HEXB: variants seen among roughly 807,000 people sequenced by gnomAD.
HEXB encodes the protein hexosaminidase subunit beta.
A neutral mutation model predicts 71.2 loss-of-function variants in HEXB; 51 were observed. The observed-to-expected ratio is 0.72, with a 90% CI of 0.57 to 0.90. The LOEUF is 0.90. Among genes scored for constraint, HEXB ranks in the 40% least tolerant of loss-of-function variants. The probability of loss-of-function intolerance (pLI) is 0.00; values close to 1 mark genes in which losing one functional copy is unlikely to be tolerated. For synonymous variants in HEXB, 266 were observed against 249.3 expected, an observed-to-expected ratio of 1.07 and a Z score of -0.63; for missense variants, 617 against 677.0, an observed-to-expected ratio of 0.91 and a Z score of 0.98.
At chr5:74,714,748 C>T (rs1338379522) in intron 7 of HEXB, among the ~76,000 whole-genome samples, 1 of 152,130 alleles carries the variant, frequency 6.6e-6, no homozygotes, top group Non-Finnish European at 1.5e-5. Context: ...GCACATAGCA[C>T]AGTACCAAGC....
chr5:74,691,548 T>A (rs545328930), intron 2 of HEXB, among the ~76,000 whole-genome samples: 4 of 152,114 alleles, frequency 2.6e-5, no homozygotes, highest in African/African-American at 7.2e-5. Flanking sequence ...AACTGCTGAG[T>A]TGAACAAAGG....
At chr5:74,715,755 G>A (rs1246579180) in intron 8 of HEXB, 65 bp downstream of exon 8, 18 of 1,163,718 alleles carry the variant, frequency 1.5e-5, no homozygotes, top group South Asian at 2.5e-5. Flanking sequence ...GGTGGCTCAC[G>A]CCTATAATCC....
chr5:74,651,625 C>A (rs746549162), intron 1 of HEXB, among the ~76,000 whole-genome samples: 1 of 152,236 alleles, frequency 6.6e-6, no homozygotes, highest in South Asian at 2.1e-4. Flanking sequence ...AAGGAGGATT[C>A]CCCCAAATCT....
At chr5:74,719,772 T>A (rs1749774168) in intron 11 of HEXB, among the ~76,000 whole-genome samples, 1 of 151,730 alleles carries the variant, frequency 6.6e-6, no homozygotes, top group South Asian at 2.1e-4. Context: ...TGAAATTCTG[T>A]CTCTACTAAA....
chr5:74,654,868 C>T (rs904713), intron 1 of HEXB, among the ~76,000 whole-genome samples: 37,467 of 151,958 alleles, frequency 0.25, 4,957 homozygotes, highest in Admixed American at 0.36. Context: ...AGAGAGAGGC[C>T]GGGAAGCAGG....
intron 2 of HEXB, among the ~76,000 whole-genome samples, chr5:74,692,928 T>A (rs1749035400): frequency 6.6e-6 from 1 of 152,216 alleles, no homozygotes; most frequent in Non-Finnish European, 1.5e-5. Flanking sequence ...CTTCAAAGAT[T>A]GAAAGATTAG....
At chr5:74,707,966 G>C (rs900587688) in intron 6 of HEXB, among the ~76,000 whole-genome samples, 11 of 152,154 alleles carry the variant, frequency 7.2e-5, no homozygotes, top group African/African-American at 2.4e-4. Context: ...CTCGAGAAGA[G>C]CAACTCCAAG....
intron 1 of HEXB, among the ~76,000 whole-genome samples, chr5:74,651,575 A>G (rs897185607): frequency 1.3e-5 from 2 of 152,168 alleles, no homozygotes; most frequent in Non-Finnish European, 2.9e-5. Context: ...GTTTCATTGG[A>G]TGCCTCAAGA....
At chr5:74,666,433 C>G (rs960809901) in intron 1 of HEXB, among the ~76,000 whole-genome samples, 2 of 152,220 alleles carry the variant, frequency 1.3e-5, no homozygotes, top group Admixed American at 1.3e-4. Flanking sequence ...CAGGTTGGCT[C>G]TGATTGGAGG....
chr5:74,693,464 C>T (rs1000732662), intron 2 of HEXB, 175 bp from the exon 3 acceptor site: 12 of 668,346 alleles, frequency 1.8e-5, no homozygotes, highest in Middle Eastern at 3.9e-4. Context: ...CATGTGGAGT[C>T]GAAGGAACCT....
chr5:74,659,897 C>G (rs772349743), intron 1 of HEXB, among the ~76,000 whole-genome samples: 3 of 152,116 alleles, frequency 2.0e-5, no homozygotes, highest in Non-Finnish European at 4.4e-5. Flanking sequence ...AAACTCTTAG[C>G]GTAGAAATAA....
intron 3 of HEXB, among the ~76,000 whole-genome samples, chr5:74,696,100 A>G (rs899566592): frequency 6.6e-6 from 1 of 152,206 alleles, no homozygotes. Flanking sequence ...TTCCCTGGCT[A>G]TATAGCTGTC....
rs530029578 is a variant in HEXB, at chr5:74,693,364, G to A, written c.446-275G>A. The A allele has an allele frequency of 1.3e-4, 66 of 504,800 alleles. 1 individual carries two copies. Among genetic ancestry groups the A allele is most frequent in the South Asian group, 1.3e-3 (62 of 48,246 alleles). The allele number at this position is 504,800 out of a possible 1,614,324, so 31.3% of individuals were successfully genotyped here. ...CCGTTCTGAGTGACTCAAGTGACTG[G>A]ATGGTGGTGCTGTGACTCACTGAAA... On this transcript the variant is annotated intron_variant, in intron 2 of 13. Coordinates refer to ENST00000261416, the MANE Select transcript of HEXB (RefSeq NM_000521.4).
upstream of HEXB, among the ~76,000 whole-genome samples, chr5:74,684,003 T>C (rs1268840731): frequency 1.3e-5 from 2 of 151,986 alleles, no homozygotes; most frequent in Non-Finnish European, 2.9e-5. Flanking sequence ...GTATTTTTAA[T>C]AGAGACGGGG....
chr5:74,680,229 G>T (rs1267353458), intron 1 of HEXB, among the ~76,000 whole-genome samples: 8 of 152,224 alleles, frequency 5.3e-5, no homozygotes, highest in Non-Finnish European at 7.3e-5. Context: ...ATTATTTTCA[G>T]TCTTTGAATC....
At chr5:74,686,776 T>C (rs1349315846) in intron 1 of HEXB, among the ~76,000 whole-genome samples, 1 of 152,168 alleles carries the variant, frequency 6.6e-6, no homozygotes, top group African/African-American at 2.4e-5. Flanking sequence ...TTTGGTTGCA[T>C]TGGGATATTC....
chr5:74,672,809 T>C (rs1314100499), intron 1 of HEXB, among the ~76,000 whole-genome samples: 1 of 152,204 alleles, frequency 6.6e-6, no homozygotes, highest in Non-Finnish European at 1.5e-5. Context: ...CATCATCTCA[T>C]ATACAAGACA....
At chr5:74,675,717 G>A (rs1289911010) in intron 1 of HEXB, among the ~76,000 whole-genome samples, 5 of 152,186 alleles carry the variant, frequency 3.3e-5, no homozygotes, top group Non-Finnish European at 7.4e-5. Context: ...CCATTGAAAT[G>A]TTTTAAGCAA....
chr5:74,691,595 A>C (rs1749005056), intron 2 of HEXB, among the ~76,000 whole-genome samples: 3 of 152,226 alleles, frequency 2.0e-5, no homozygotes, highest in Admixed American at 2.0e-4. Context: ...GACCCTGTTT[A>C]TATATCAACA....
Sources: allele counts gnomAD v4.1 joint callset (sites outside exome capture counted in the v4.1 genomes callset), GRCh38; gene constraint gnomAD v4.1.1; transcripts MANE v1.5; gene names NCBI Gene and HGNC (gene_info 2026-07-23, HGNC 2026-07-21).